The following WDR76 variants were observed in gnomAD, a reference collection of about 807,000 sequenced individuals.
The protein encoded by WDR76 is WD repeat-containing protein 76.
In WDR76, 52 loss-of-function variants were observed where a neutral mutation model predicts 70.2. The observed-to-expected ratio is 0.74, with a 90% CI of 0.59 to 0.93. WDR76 has a LOEUF of 0.93. Ranked by LOEUF, WDR76 falls within the 40% of genes least tolerant of loss-of-function variation. WDR76 has a pLI of 0.00. For synonymous variants in WDR76, 292 were observed against 271.1 expected, an observed-to-expected ratio of 1.08 and a Z score of -0.76; for missense variants, 756 against 760.2, an observed-to-expected ratio of 0.99 and a Z score of 0.07.
In WDR76 at chr15:43,844,044, T is replaced by G; in HGVS notation, c.1022T>G (p.Leu341Arg). 6.2e-7 allele frequency: 1 copy of G among 1,611,224 alleles called. No individual in the cohort carries two copies. Among genetic ancestry groups the G allele is most frequent in the Non-Finnish European group, 8.5e-7 (1 of 1,179,220 alleles). The change falls in exon 8 of 13, where the codon CTT becomes CGT. Residue 341 changes from leucine (L) to arginine (R), a missense_variant. Coordinates refer to ENST00000263795, the MANE Select transcript of WDR76 (RefSeq NM_024908.4). The part of the protein sequence containing the change: ...AVGAKFGQVG[L>R]CDLTQQPKED... ...GGGGCCAAATTTGGGCAAGTTGGAC[T>G]TTGTGATTTGGTAAGTTATTAAATT...
intron 11 of WDR76, among the ~76,000 whole-genome samples, chr15:43,859,742 T>A (rs1190402010): frequency 6.6e-6 from 1 of 152,188 alleles, no homozygotes; most frequent in Non-Finnish European, 1.5e-5. Flanking sequence ...CTTATTCTGT[T>A]CCTGTTCGTT....
At chr15:43,860,861 A>G (rs1357632022) in intron 11 of WDR76, among the ~76,000 whole-genome samples, 2 of 148,844 alleles carry the variant, frequency 1.3e-5, no homozygotes. Context: ...AACGTCTTGT[A>G]ACTTTTGTTT....
rs1041838767 is a variant in WDR76 at position 43,839,808 on chromosome 15, C to G, written c.732+80C>G. ...AAGTGTTGAAACTAGACTAAAAGTTCATTAAATTATGTTTAATTTTATATT... is the reference window on the plus strand; with the variant it reads ...AAGTGTTGAAACTAGACTAAAAGTTGATTAAATTATGTTTAATTTTATATT... On this transcript the variant is annotated intron_variant, in intron 5 of 12. Transcript: ENST00000263795. 4 of 1,393,450 alleles carry G rather than the reference C, an allele frequency of 2.9e-6. No individual in the cohort carries two copies. The African/African-American group carries it at 6.0e-5, about 21-fold the overall frequency. The allele number at this position is 1,393,450 out of a possible 1,614,324, so 86.3% of individuals were successfully genotyped here. A position where few individuals can be genotyped will look rare whatever the true frequency, so the allele number is the denominator to read the frequency against.
In WDR76 at chr15:43,831,156, AGGT is replaced by A. The variant is rs200426601; in HGVS notation, c.462+2796_462+2798del. 9.7e-3 allele frequency among the ~76,000 whole-genome samples: 1,480 copies of A among 151,880 alleles called. 18 individuals carry two copies. The highest frequency in any genetic ancestry group is 0.033 in the African/African-American group (1,384 of 41,440). Reference sequence around the variant, plus strand: ...TGAGATGGGAGAATCGCTTGAACCTAGGTGGTGGAGGTTGCAGTGAGCTGAGAT... The same window carrying A: ...TGAGATGGGAGAATCGCTTGAACCTAGGTGGAGGTTGCAGTGAGCTGAGAT... On this transcript the variant is annotated intron_variant, in intron 2 of 12. Transcript: ENST00000263795.
At chr15:43,834,963 G>C in intron 2 of WDR76, 98 bp from the exon 3 acceptor site, 1 of 972,636 alleles carries the variant, frequency 1.0e-6, no homozygotes, top group Non-Finnish European at 1.6e-6. Flanking sequence ...ACAATTTGAA[G>C]TAAAGTATTC....
chr15:43,865,483 G>C (rs1363324782), intron 12 of WDR76, among the ~76,000 whole-genome samples: 1 of 152,196 alleles, frequency 6.6e-6, no homozygotes, highest in Admixed American at 6.5e-5. Context: ...ATGTTGGCCA[G>C]GCTGTCTCGA....
At chr15:43,842,702 AT>A in intron 7 of WDR76, 31 bp downstream of exon 7, 3 of 1,587,292 alleles carry the variant, frequency 1.9e-6, no homozygotes, top group Non-Finnish European at 2.6e-6. Flanking sequence ...TTTCTTTTAT[AT>A]TTTTTGAGAT....
rs201454125 is a variant in WDR76, at chr15:43,861,167, TG to T, written c.1563-164del. Among the ~76,000 whole-genome samples the T allele has an allele frequency of 5.7e-3, 870 of 152,270 alleles. 9 individuals are homozygous for T. The highest frequency in any genetic ancestry group is 0.02 in the African/African-American group (827 of 41,564). Reference sequence around the variant, plus strand: ...CTCTTGGCCTCAGGTGATCCTCCTGTGGATTACAGGCATGGGCCTCTAAACC... The same window carrying T: ...CTCTTGGCCTCAGGTGATCCTCCTGTGATTACAGGCATGGGCCTCTAAACC... On this transcript the variant is annotated intron_variant, in intron 11 of 12. Transcript: ENST00000263795.
At chr15:43,830,455 G>A (rs2087573132) in intron 2 of WDR76, among the ~76,000 whole-genome samples, 1 of 151,832 alleles carries the variant, frequency 6.6e-6, no homozygotes, top group Non-Finnish European at 1.5e-5. Context: ...CCAGCTACTA[G>A]GGAGGCCGAG....
chr15:43,833,191 G>T (rs1238250097), intron 2 of WDR76, among the ~76,000 whole-genome samples: 1 of 151,944 alleles, frequency 6.6e-6, no homozygotes, highest in Non-Finnish European at 1.5e-5. Context: ...TAGAGATGGG[G>T]TCTCACTCTG....
At chr15:43,842,803 T>C (rs2087742178) in intron 7 of WDR76, 132 bp downstream of exon 7, 1 of 816,058 alleles carries the variant, frequency 1.2e-6, no homozygotes, top group African/African-American at 1.7e-5. Flanking sequence ...TTTTGTGTAT[T>C]TCCTCACAAG....
At position 43,867,986 on chromosome 15, in the gene WDR76, T is replaced by C. The variant is rs1466439304; in HGVS notation, c.*1594T>C. ...ATAATTGTATATCAGAGAAATATAG[T>C]GATATACAATTTCCTTGAAAACCAA... On this transcript the variant is annotated 3_prime_UTR_variant, in exon 13 of 13. Coordinates refer to ENST00000263795, the MANE Select transcript of WDR76 (RefSeq NM_024908.4). The C allele has an allele frequency of 6.6e-6, 1 of 152,190 alleles. No homozygotes were observed. Among genetic ancestry groups the C allele is most frequent in the Non-Finnish European group, 1.5e-5 (1 of 68,024 alleles). 9.4% of individuals were successfully genotyped at this position (152,190 alleles called of 1,614,324 possible). A position where few individuals can be genotyped will look rare whatever the true frequency, so the allele number is the denominator to read the frequency against.
At chr15:43,835,295 GC>G (rs1157311847) in intron 3 of WDR76, 145 bp downstream of exon 3, 8 of 363,108 alleles carry the variant, frequency 2.2e-5, no homozygotes, top group Middle Eastern at 7.3e-4. Flanking sequence ...ACGGAGACCC[GC>G]CCCCCGCCCC....
At chr15:43,837,939 G>A (rs1205358983) in intron 4 of WDR76, among the ~76,000 whole-genome samples, 2 of 147,800 alleles carry the variant, frequency 1.4e-5, no homozygotes, top group African/African-American at 2.5e-5. Context: ...GCAGTGGCGC[G>A]ATCTCGGCTC....
chr15:43,845,107 G>A lies in WDR76; in HGVS notation c.1032+1053G>A, dbSNP rs535858885. 1.6e-4 allele frequency among the ~76,000 whole-genome samples: 24 copies of A among 146,434 alleles called. 1 individual carries two copies. The highest frequency in any genetic ancestry group is 5.9e-4 in the African/African-American group (24 of 40,934). On this transcript the variant is annotated intron_variant, in intron 8 of 12. Coordinates refer to ENST00000263795, the MANE Select transcript of WDR76 (RefSeq NM_024908.4). Reference sequence around the variant, plus strand: ...CTCCCGAGTAGCTGGGACTACAGGCGCCTGCCACCATGCCTGGCTAATTTT... The same window carrying A: ...CTCCCGAGTAGCTGGGACTACAGGCACCTGCCACCATGCCTGGCTAATTTT...
At chr15:43,835,292 C>CCCGCCCG in intron 3 of WDR76, 142 bp downstream of exon 3, 2 of 404,534 alleles carry the variant, frequency 4.9e-6, no homozygotes, top group East Asian at 1.1e-4. Context: ...CATACGGAGA[C>CCCGCCCG]CCGCCCCCCG....
In WDR76 at chr15:43,827,005, A is replaced by T. The variant is rs1443748242; in HGVS notation, c.-28A>T. 2 of 1,611,524 alleles carry T rather than the reference A, an allele frequency of 1.2e-6. No individual in the cohort carries two copies. Among genetic ancestry groups the T allele is most frequent in the East Asian group, 4.5e-5 (2 of 44,826 alleles). Reference sequence around the variant, plus strand: ...GGCCTCCCGCCGCAATCTTGGCGGGAAGGCGCCGGCCGCTAAGAAGCCGAA... The same window carrying T: ...GGCCTCCCGCCGCAATCTTGGCGGGTAGGCGCCGGCCGCTAAGAAGCCGAA... On this transcript the variant is annotated 5_prime_UTR_variant, in exon 1 of 13. Transcript: ENST00000263795.
chr15:43,854,380 G>C (rs2140309812), intron 9 of WDR76, among the ~76,000 whole-genome samples: 1 of 152,228 alleles, frequency 6.6e-6, no homozygotes, highest in Middle Eastern at 3.4e-3. Flanking sequence ...GACCAGCCTG[G>C]CCAACATAGT....
At chr15:43,831,605 A>AT (rs1404517399) in intron 2 of WDR76, among the ~76,000 whole-genome samples, 1 of 151,818 alleles carries the variant, frequency 6.6e-6, no homozygotes, top group Non-Finnish European at 1.5e-5. Context: ...TGCCTAGCTA[A>AT]TTTTTTGTAT....
Sources: gnomAD v4.1 joint callset for allele counts (sites outside exome capture counted in the v4.1 genomes callset) on GRCh38, gnomAD v4.1.1 for gene constraint, MANE v1.5 for transcripts, NCBI Gene and HGNC (gene_info 2026-07-23, HGNC 2026-07-21) for gene names.